GALNT17: variants seen among roughly 807,000 people sequenced by gnomAD.
The protein encoded by GALNT17 is UDP-GalNAc:polypeptide N-acetylgalactosaminyltransferase-like 3.
A neutral mutation model predicts 63.7 loss-of-function variants in GALNT17; 29 were observed. The observed-to-expected ratio is 0.46, with a 90% confidence interval of 0.34 to 0.62. The LOEUF (loss-of-function observed/expected upper bound fraction) is 0.62, where lower values mean the gene tolerates loss of function less well. GALNT17 is among the 20% of genes least tolerant of loss of function. GALNT17 has a pLI of 0.01. For synonymous variants in GALNT17, 305 were observed against 318.3 expected (o/e 0.96, Z 0.45); for missense variants, 603 against 799.6 (o/e 0.75, Z 2.97).
intron 1 of GALNT17, among the ~76,000 whole-genome samples, chr7:71,273,910 A>C (rs151208198): frequency 2.0e-5 from 3 of 152,190 alleles, no homozygotes; most frequent in African/African-American, 7.2e-5. Context: ...AATGTGAATC[A>C]TAGGTTTCCA....
At chr7:71,141,840 C>CTGTGTGTGTGTGTG (rs34121771) in intron 1 of GALNT17, among the ~76,000 whole-genome samples, 58 of 125,118 alleles carry the variant, frequency 4.6e-4, no homozygotes, top group South Asian at 1.9e-3. Context: ...CCACGTCTGG[C>CTGTGTGTGTGTGTG]TGTGTGTGTG....
intron 1 of GALNT17, among the ~76,000 whole-genome samples, chr7:71,299,762 T>C (rs1583841391): frequency 6.6e-6 from 1 of 152,090 alleles, no homozygotes; most frequent in Non-Finnish European, 1.5e-5. Flanking sequence ...TTCTTTTTAT[T>C]ATTACAATTT....
intron 6 of GALNT17, among the ~76,000 whole-genome samples, chr7:71,646,668 A>G (rs1237283052): frequency 6.6e-6 from 1 of 151,482 alleles, no homozygotes; most frequent in Non-Finnish European, 1.5e-5. Flanking sequence ...CTATGCTTGG[A>G]CCATGCTTCT....
At chr7:71,543,759 G>T (rs1788932377) in intron 5 of GALNT17, among the ~76,000 whole-genome samples, 1 of 150,874 alleles carries the variant, frequency 6.6e-6, no homozygotes, top group Admixed American at 6.6e-5. Context: ...AGAGTTACTG[G>T]CTTCTTTAAC....
At chr7:71,157,211 C>T (rs969653667) in intron 1 of GALNT17, among the ~76,000 whole-genome samples, 1 of 151,876 alleles carries the variant, frequency 6.6e-6, no homozygotes, top group South Asian at 2.1e-4. Context: ...TCTTGGAGAT[C>T]TTGGCAGATA....
At chr7:71,430,097 T>G (rs972216491) in intron 5 of GALNT17, among the ~76,000 whole-genome samples, 63 of 152,206 alleles carry the variant, frequency 4.1e-4, no homozygotes, top group African/African-American at 1.2e-3. Context: ...TCCTCTTCCC[T>G]TATTCTCCCA....
At chr7:71,242,330 C>T (rs1403564543) in intron 1 of GALNT17, among the ~76,000 whole-genome samples, 11 of 138,814 alleles carry the variant, frequency 7.9e-5, no homozygotes, top group East Asian at 4.5e-4. Flanking sequence ...AGTGCAGTGG[C>T]GCCATCTCAG....
chr7:71,517,199 T>G (rs1788459147), intron 5 of GALNT17, among the ~76,000 whole-genome samples: 1 of 152,204 alleles, frequency 6.6e-6, no homozygotes, highest in Non-Finnish European at 1.5e-5. Context: ...ATGGTCATTT[T>G]CTGATGGCGC....
At chr7:71,625,138 T>TTTTATTTA (rs35041454) in intron 6 of GALNT17, among the ~76,000 whole-genome samples, 4,205 of 149,782 alleles carry the variant, frequency 0.028, 108 homozygotes, top group Non-Finnish European at 0.04. Flanking sequence ...CAGCCTTTGT[T>TTTTATTTA]TTTATTTATT....
intron 2 of GALNT17, among the ~76,000 whole-genome samples, chr7:71,350,659 C>T (rs949568636): frequency 3.3e-5 from 5 of 152,022 alleles, no homozygotes; most frequent in African/African-American, 7.2e-5. Context: ...GTAGGTTATG[C>T]GCAAATACTA....
At chr7:71,395,389 A>G (rs925603670) in intron 3 of GALNT17, among the ~76,000 whole-genome samples, 1 of 152,226 alleles carries the variant, frequency 6.6e-6, no homozygotes, top group Non-Finnish European at 1.5e-5. Context: ...TTCAAGGTTC[A>G]ACCAAATTGT....
intron 9 of GALNT17, among the ~76,000 whole-genome samples, chr7:71,705,626 C>A (rs10250033): frequency 0.14 from 20,753 of 152,110 alleles, 1,620 homozygotes; most frequent in African/African-American, 0.2. Context: ...CCCCAATGTC[C>A]ATCAGCTTGA....
chr7:71,558,585 A>G (rs1179009089), intron 5 of GALNT17, among the ~76,000 whole-genome samples: 1 of 152,146 alleles, frequency 6.6e-6, no homozygotes, highest in East Asian at 1.9e-4. Context: ...CAAGATAGCT[A>G]ACCAGACACT....
intron 6 of GALNT17, among the ~76,000 whole-genome samples, chr7:71,652,377 A>G (rs751354606): frequency 1.9e-4 from 29 of 152,202 alleles, no homozygotes; most frequent in Non-Finnish European, 3.5e-4. Flanking sequence ...TTAGGAGGAA[A>G]GCCATTATGC....
At chr7:71,548,480 T>G (rs1038196923) in intron 5 of GALNT17, among the ~76,000 whole-genome samples, 1 of 152,164 alleles carries the variant, frequency 6.6e-6, no homozygotes, top group African/African-American at 2.4e-5. Flanking sequence ...ACATTGACAA[T>G]CTGGTAGAAG....
At chr7:71,436,911 G>A (rs1786975239) in intron 5 of GALNT17, among the ~76,000 whole-genome samples, 1 of 152,012 alleles carries the variant, frequency 6.6e-6, no homozygotes, top group East Asian at 1.9e-4. Context: ...CCCAACAATG[G>A]ATGAATAACG....
At chr7:71,199,351 G>A (rs1789118477) in intron 1 of GALNT17, among the ~76,000 whole-genome samples, 1 of 152,030 alleles carries the variant, frequency 6.6e-6, no homozygotes, top group East Asian at 1.9e-4. Context: ...TAACCCATTG[G>A]CATATGTAAG....
chr7:71,338,362 T>A lies in GALNT17; in HGVS notation c.422+2629T>A, dbSNP rs192477159. Among the ~76,000 whole-genome samples, 818 of 149,718 alleles carry A rather than the reference T, an allele frequency of 5.5e-3. 7 individuals are homozygous for A. The highest frequency in any genetic ancestry group is 0.019 in the African/African-American group (772 of 41,064). Reference sequence around the variant, plus strand: ...TAAATAAATAAAAAATAAATAAATATATATATATATAAATTAGCCAGGTGT... The same window carrying A: ...TAAATAAATAAAAAATAAATAAATAAATATATATATAAATTAGCCAGGTGT... On this transcript the variant is annotated intron_variant, in intron 2 of 10. Transcript: ENST00000333538.
intron 2 of GALNT17, among the ~76,000 whole-genome samples, chr7:71,386,302 G>C (rs1020303550): frequency 6.6e-6 from 1 of 152,174 alleles, no homozygotes; most frequent in Non-Finnish European, 1.5e-5. Flanking sequence ...AGAAACAGCT[G>C]TATTTCTTGC....
Sources: allele counts gnomAD v4.1 joint callset (sites outside exome capture counted in the v4.1 genomes callset), GRCh38; gene constraint gnomAD v4.1.1; transcripts MANE v1.5; gene names NCBI Gene and HGNC (gene_info 2026-07-23, HGNC 2026-07-21).